Variants in NBAS observed in about 807,000 individuals in gnomAD.
NBAS encodes NBAS subunit of NRZ tethering complex.
A neutral mutation model predicts 302.5 loss-of-function variants in NBAS; 219 were observed. The observed-to-expected ratio is 0.72, with a 90% confidence interval of 0.65 to 0.81. The LOEUF (loss-of-function observed/expected upper bound fraction) is 0.81. Among genes scored for constraint, NBAS ranks in the 30% least tolerant of loss-of-function variants. NBAS has a pLI of 0.00. For missense variants in NBAS, 2,932 were observed against 2,841.6 expected, an observed-to-expected ratio of 1.03 and a Z score of -0.72; for synonymous variants, 1,118 against 1,021.6, an observed-to-expected ratio of 1.09 and a Z score of -1.80.
chr2:14,909,104 G>A, the NBAS span, among the ~76,000 whole-genome samples: 5 of 152,082 alleles, frequency 3.3e-5, no homozygotes, highest in Admixed American at 6.6e-5. Flanking sequence ...AGGCCGAGGC[G>A]GGCGGATCAC....
chr2:15,351,127 G>A (rs575484944), intron 35 of NBAS, among the ~76,000 whole-genome samples: 3 of 152,116 alleles, frequency 2.0e-5, no homozygotes, highest in Non-Finnish European at 4.4e-5. Flanking sequence ...TATGCACACC[G>A]AAATTGATTT....
At chr2:14,888,673 T>G in the NBAS span, among the ~76,000 whole-genome samples, 1 of 152,128 alleles carries the variant, frequency 6.6e-6, no homozygotes, top group African/African-American at 2.4e-5. Context: ...CAGAAAGGGG[T>G]CCATGAAGTT....
chr2:15,228,139 T>C (rs1020907862), intron 47 of NBAS, among the ~76,000 whole-genome samples: 1 of 151,918 alleles, frequency 6.6e-6, no homozygotes, highest in Non-Finnish European at 1.5e-5. Context: ...AACAACTCAA[T>C]AGCAAAAATA....
chr2:15,190,410 G>A lies in NBAS; in HGVS notation c.6433-7C>T. On this transcript the variant is annotated splice_polypyrimidine_tract_variant and splice_region_variant and intron_variant, in intron 48 of 51. Coordinates refer to ENST00000281513, the MANE Select transcript of NBAS (RefSeq NM_015909.4). ...CAATGTCAGCTATGTCTACCTGGAAGAAGAAATACACACTTAAAGCTGGTG... is the reference window on the plus strand; with the variant it reads ...CAATGTCAGCTATGTCTACCTGGAAAAAGAAATACACACTTAAAGCTGGTG... 1 of 1,613,784 alleles carries A rather than the reference G, an allele frequency of 6.2e-7. No homozygotes were observed. The highest frequency in any genetic ancestry group is 1.3e-5 in the African/African-American group (1 of 75,046).
chr2:15,138,278 A>C, the NBAS span, among the ~76,000 whole-genome samples: 1 of 152,046 alleles, frequency 6.6e-6, no homozygotes, highest in Non-Finnish European at 1.5e-5. Context: ...AATTGGAGAG[A>C]GGTTTAGTGA....
At chr2:14,859,836 T>G in the NBAS span, among the ~76,000 whole-genome samples, 3 of 152,084 alleles carry the variant, frequency 2.0e-5, no homozygotes, top group Non-Finnish European at 2.9e-5. Flanking sequence ...CAAATGGGAT[T>G]ACATCAAGCT....
At chr2:15,113,961 G>C in the NBAS span, among the ~76,000 whole-genome samples, 1 of 152,014 alleles carries the variant, frequency 6.6e-6, no homozygotes, top group Non-Finnish European at 1.5e-5. Flanking sequence ...TGTGCCTCTT[G>C]GTGAAAGAAC....
the NBAS span, among the ~76,000 whole-genome samples, chr2:14,876,398 AG>A: frequency 6.6e-6 from 1 of 152,208 alleles, no homozygotes; most frequent in African/African-American, 2.4e-5. Context: ...ACTCTAACAG[AG>A]GGCAAATGAT....
the NBAS span, among the ~76,000 whole-genome samples, chr2:14,997,027 T>C: frequency 4.3e-4 from 66 of 152,094 alleles, no homozygotes; most frequent in Non-Finnish European, 8.4e-4. Context: ...GACCCTATAA[T>C]AGCAATTTTA....
intron 22 of NBAS, among the ~76,000 whole-genome samples, chr2:15,425,679 G>C (rs1018326143): frequency 6.6e-6 from 1 of 151,942 alleles, no homozygotes; most frequent in African/African-American, 2.4e-5. Flanking sequence ...ATTCTTCCAG[G>C]GATTTCCCCC....
At chr2:15,511,414 G>C (rs1015025582) in intron 9 of NBAS, 64 bp from the exon 10 acceptor site, 2 of 1,470,000 alleles carry the variant, frequency 1.4e-6, no homozygotes, top group Non-Finnish European at 1.9e-6. Context: ...AAAACAAAGA[G>C]AGCAGAAACA....
At chr2:15,439,092 G>A (rs945046386) in intron 21 of NBAS, among the ~76,000 whole-genome samples, 4 of 152,122 alleles carry the variant, frequency 2.6e-5, no homozygotes, top group East Asian at 1.9e-4. Flanking sequence ...TCTGCAGATC[G>A]AGACCATCCT....
chr2:15,264,280 C>A (rs1668976333), intron 44 of NBAS, among the ~76,000 whole-genome samples: 1 of 152,014 alleles, frequency 6.6e-6, no homozygotes, highest in African/African-American at 2.4e-5. Context: ...TTTATTTATT[C>A]CTCTGTCTTC....
chr2:15,328,973 T>C (rs1672199386), intron 36 of NBAS, among the ~76,000 whole-genome samples: 1 of 152,148 alleles, frequency 6.6e-6, no homozygotes, highest in African/African-American at 2.4e-5. Flanking sequence ...TGCAAGATGA[T>C]ATATGACTGT....
At position 15,218,783 on chromosome 2, in the gene NBAS, G is replaced by T. The variant is rs770915142; in HGVS notation, c.6422C>A (p.Pro2141His). Reference sequence around the variant, plus strand: ...CAGACACTCCCTTACCTGTCTCTGGGGCCAGGAGGCTTTGAGAATGGCTTC... The same window carrying T: ...CAGACACTCCCTTACCTGTCTCTGGTGCCAGGAGGCTTTGAGAATGGCTTC... The part of the protein sequence containing the change: ...RTEAILKASW[P>H]QRQVDIADIE... The change falls in exon 48 of 52, where the codon CCC (proline) becomes CAC (histidine). Residue 2141 changes from proline to histidine, a missense_variant. Coordinates refer to ENST00000281513, the MANE Select transcript of NBAS (RefSeq NM_015909.4). The T allele has an allele frequency of 3.1e-6, 5 of 1,614,194 alleles. No individual in the cohort carries two copies. Among genetic ancestry groups the T allele is most frequent in the Non-Finnish European group, 4.2e-6 (5 of 1,180,036 alleles).
At chr2:14,969,187 G>A in the NBAS span, among the ~76,000 whole-genome samples, 1 of 152,186 alleles carries the variant, frequency 6.6e-6, no homozygotes, top group Non-Finnish European at 1.5e-5. Context: ...GGTTGCTTAG[G>A]GCTGAAGAAA....
intron 35 of NBAS, among the ~76,000 whole-genome samples, chr2:15,340,680 A>T (rs74875322): frequency 0.018 from 2,732 of 152,214 alleles, 84 homozygotes; most frequent in African/African-American, 0.061. Flanking sequence ...GTAGACAGAG[A>T]TGATGTTTAA....
the NBAS span, among the ~76,000 whole-genome samples, chr2:14,881,175 A>G: frequency 2.0e-5 from 3 of 152,186 alleles, no homozygotes; most frequent in Non-Finnish European, 4.4e-5. Context: ...ATGAAGTCAT[A>G]TCCTTTGCAG....
At chr2:14,996,469 C>T in the NBAS span, among the ~76,000 whole-genome samples, 1 of 152,168 alleles carries the variant, frequency 6.6e-6, no homozygotes. Flanking sequence ...CCAAGCTGTC[C>T]GTCAAGGTCA....
Sources: gnomAD v4.1 joint callset for allele counts (sites outside exome capture counted in the v4.1 genomes callset) on GRCh38, gnomAD v4.1.1 for gene constraint, MANE v1.5 for transcripts, NCBI Gene and HGNC (gene_info 2026-07-23, HGNC 2026-07-21) for gene names.